ADAMTSL1: variants seen among roughly 807,000 people sequenced by gnomAD.
ADAMTSL1 encodes the protein ADAMTS-like protein 1.
In ADAMTSL1, 126 loss-of-function variants were observed where a neutral mutation model predicts 201.8. The ratio of observed to expected loss-of-function variants is 0.62; its 90% CI spans 0.54 to 0.72. The LOEUF is 0.72. Among genes scored for constraint, ADAMTSL1 ranks in the 30% least tolerant of loss-of-function variants. The probability of loss-of-function intolerance (pLI) is 0.00; values close to 1 mark genes in which losing one functional copy is unlikely to be tolerated. For missense variants in ADAMTSL1, 2,679 were observed against 2,277.8 expected (o/e 1.18, Z -3.59); for synonymous variants, 1,121 against 903.4 (o/e 1.24, Z -4.32).
At chr9:18,442,259 A>G (rs768885654) in intron 2 of ADAMTSL1, among the ~76,000 whole-genome samples, 9 of 152,256 alleles carry the variant, frequency 5.9e-5, no homozygotes, top group Non-Finnish European at 1.0e-4. Context: ...GTATATTTTT[A>G]TCTACATAGC....
At chr9:18,349,992 C>T (rs1168447470) in intron 2 of ADAMTSL1, among the ~76,000 whole-genome samples, 1 of 151,240 alleles carries the variant, frequency 6.6e-6, no homozygotes, top group East Asian at 2.0e-4. Context: ...CAAAGATACA[C>T]AAAAAAGCAC....
intron 2 of ADAMTSL1, among the ~76,000 whole-genome samples, chr9:18,227,996 A>G (rs1189213638): frequency 2.0e-5 from 3 of 152,198 alleles, no homozygotes; most frequent in Non-Finnish European, 4.4e-5. Flanking sequence ...GAAGCATACT[A>G]GGCAAGCAGT....
rs374781930 is a variant in ADAMTSL1 at position 18,150,281 on chromosome 9, CA to C, written c.88-13578del. On this transcript the variant is annotated intron_variant, in intron 1 of 29. Transcript: ENST00000680146. ...CTTTAAAGGATGGGCAGGGGAATAC[CA>C]AACTATGGGGAAGACGGAAGACAGT... Among the ~76,000 whole-genome samples the C allele has an allele frequency of 5.5e-3, 831 of 152,018 alleles. 7 individuals carry two copies. The highest frequency in any genetic ancestry group is 0.019 in the African/African-American group (799 of 41,462).
At chr9:18,396,177 G>C (rs1018275770) in intron 2 of ADAMTSL1, among the ~76,000 whole-genome samples, 1 of 152,152 alleles carries the variant, frequency 6.6e-6, no homozygotes, top group African/African-American at 2.4e-5. Flanking sequence ...CTGCCTCTTA[G>C]GTGCTCCTGC....
intron 4 of ADAMTSL1, among the ~76,000 whole-genome samples, chr9:18,594,825 T>C (rs1174093913): frequency 6.6e-6 from 1 of 152,132 alleles, no homozygotes; most frequent in Admixed American, 6.5e-5. Context: ...GTCTTGTCTG[T>C]TTGGTGCAGC....
intron 5 of ADAMTSL1, among the ~76,000 whole-genome samples, chr9:18,635,091 C>T (rs1443888183): frequency 1.3e-5 from 2 of 151,628 alleles, no homozygotes; most frequent in East Asian, 3.9e-4. Context: ...AGAAAATCCT[C>T]TGTGCCAATG....
At chr9:18,649,861 C>G (rs1468209125) in intron 7 of ADAMTSL1, among the ~76,000 whole-genome samples, 1 of 152,182 alleles carries the variant, frequency 6.6e-6, no homozygotes, top group Non-Finnish European at 1.5e-5. Flanking sequence ...CTTGAGGAGG[C>G]AGTCTGCCCG....
In ADAMTSL1 at chr9:18,681,826, T is replaced by C; in HGVS notation, c.1356T>C (p.Cys452=). 2 of 1,612,382 alleles carry C rather than the reference T, an allele frequency of 1.2e-6. No homozygotes were observed. Among genetic ancestry groups the C allele is most frequent in the Non-Finnish European group, 1.7e-6 (2 of 1,178,976 alleles). Residue 452 remains cysteine (C), a synonymous_variant, in exon 12 of 29, where the codon TGT becomes TGC. Coordinates refer to ENST00000380548, the MANE Select transcript of ADAMTSL1 (RefSeq NM_001040272.6). ...TCTCTTTCCAGTGCACAGTGACATG[T>C]GGCCAGGGCCTCAGATACCGTGTGG... is the stretch of plus-strand genomic sequence containing the variant. The part of the protein sequence containing the change: ...AQEWSPCTVT[C]GQGLRYRVVL...
At chr9:18,155,375 T>C (rs1285891057) in intron 1 of ADAMTSL1, among the ~76,000 whole-genome samples, 1 of 152,096 alleles carries the variant, frequency 6.6e-6, no homozygotes, top group South Asian at 2.1e-4. Flanking sequence ...TTGGAGCCAG[T>C]CTGGGTGATG....
chr9:18,654,089 C>G (rs916887081), intron 7 of ADAMTSL1, among the ~76,000 whole-genome samples: 2 of 152,224 alleles, frequency 1.3e-5, no homozygotes, highest in Non-Finnish European at 2.9e-5. Flanking sequence ...ATTAGCTGGG[C>G]ATGGTGGTGG....
At chr9:18,650,248 T>C (rs200748948) in intron 7 of ADAMTSL1, among the ~76,000 whole-genome samples, 1 of 152,158 alleles carries the variant, frequency 6.6e-6, no homozygotes, top group Non-Finnish European at 1.5e-5. Context: ...ATCGGAAAAG[T>C]GCAGTGTTTG....
chr9:18,472,693 C>T (rs992519065), upstream of ADAMTSL1, among the ~76,000 whole-genome samples: 4 of 152,100 alleles, frequency 2.6e-5, no homozygotes, highest in Non-Finnish European at 4.4e-5. Flanking sequence ...TTTCCATATT[C>T]GTGTGTTTCA....
intron 8 of ADAMTSL1, among the ~76,000 whole-genome samples, chr9:18,661,532 A>G (rs1005742252): frequency 6.6e-6 from 1 of 152,204 alleles, no homozygotes; most frequent in Non-Finnish European, 1.5e-5. Context: ...TATTCTCCCT[A>G]GTGCCCCAGG....
At chr9:18,905,097 C>G (rs563081750) in intron 26 of ADAMTSL1, among the ~76,000 whole-genome samples, 4 of 152,306 alleles carry the variant, frequency 2.6e-5, no homozygotes, top group Non-Finnish European at 5.9e-5. Context: ...CCATGGGATG[C>G]GTATCCTCTT....
chr9:18,170,985 G>C (rs544696100), intron 2 of ADAMTSL1, among the ~76,000 whole-genome samples: 1 of 152,162 alleles, frequency 6.6e-6, no homozygotes, highest in South Asian at 2.1e-4. Context: ...TCTAATAAAT[G>C]GAGAGATATA....
At chr9:18,617,055 C>T (rs1825739980) in intron 4 of ADAMTSL1, among the ~76,000 whole-genome samples, 1 of 152,114 alleles carries the variant, frequency 6.6e-6, no homozygotes, top group Non-Finnish European at 1.5e-5. Flanking sequence ...ATTTGTCTTT[C>T]CCAGTGCTGA....
intron 21 of ADAMTSL1, among the ~76,000 whole-genome samples, chr9:18,818,916 C>G (rs1824029351): frequency 6.6e-6 from 1 of 152,150 alleles, no homozygotes; most frequent in African/African-American, 2.4e-5. Context: ...AAATCTAGAA[C>G]CAAGTCCCTT....
At chr9:17,974,931 G>A (rs1818382153) in intron 1 of ADAMTSL1, among the ~76,000 whole-genome samples, 1 of 151,854 alleles carries the variant, frequency 6.6e-6, no homozygotes, top group African/African-American at 2.4e-5. Flanking sequence ...AATTTCTTGA[G>A]GAATCCTCAT....
At chr9:18,567,191 A>G (rs1189546753) in intron 3 of ADAMTSL1, among the ~76,000 whole-genome samples, 1 of 152,156 alleles carries the variant, frequency 6.6e-6, no homozygotes, top group African/African-American at 2.4e-5. Flanking sequence ...TAGGCTGGGC[A>G]AGGTGGCTCA....
Sources: gnomAD v4.1 joint callset for allele counts (sites outside exome capture counted in the v4.1 genomes callset) on GRCh38, gnomAD v4.1.1 for gene constraint, MANE v1.5 for transcripts, NCBI Gene and HGNC (gene_info 2026-07-23, HGNC 2026-07-21) for gene names.